Variants in SIK3 observed in about 807,000 individuals in gnomAD.
SIK3 encodes the protein serine/threonine-protein kinase SIK3.
In SIK3, 28 loss-of-function variants were observed where a neutral mutation model predicts 144.2. The observed-to-expected ratio is 0.19, with a 90% CI of 0.14 to 0.27. SIK3 has a LOEUF of 0.27. SIK3 is among the 10% of genes least tolerant of loss of function. SIK3 has a pLI of 1.00. For synonymous variants in SIK3, 686 were observed against 676.3 expected, an observed-to-expected ratio of 1.01 and a Z score of -0.22; for missense variants, 1,319 against 1,776.0, an observed-to-expected ratio of 0.74 and a Z score of 4.62.
At chr11:116,901,005 C>T (rs1262356615) in intron 4 of SIK3, among the ~76,000 whole-genome samples, 1 of 152,078 alleles carries the variant, frequency 6.6e-6, no homozygotes, top group Non-Finnish European at 1.5e-5. Context: ...GCTGGGATTA[C>T]AGGCATGCAT....
chr11:116,908,376 G>C (rs995187763), intron 4 of SIK3, among the ~76,000 whole-genome samples: 1 of 152,128 alleles, frequency 6.6e-6, no homozygotes, highest in Non-Finnish European at 1.5e-5. Flanking sequence ...CTACTCGAGA[G>C]GCTGAGGCAA....
At chr11:117,078,957 A>C (rs1187383991) in intron 1 of SIK3, among the ~76,000 whole-genome samples, 9 of 151,560 alleles carry the variant, frequency 5.9e-5, no homozygotes, top group Non-Finnish European at 1.0e-4. Flanking sequence ...AAAAGACACT[A>C]AAGAGGTCAT....
intron 3 of SIK3, among the ~76,000 whole-genome samples, chr11:116,949,759 A>C: frequency 6.6e-6 from 1 of 152,148 alleles, no homozygotes; most frequent in East Asian, 1.9e-4. Flanking sequence ...CCTTTACCAC[A>C]ACCTCCACTG....
At chr11:116,954,718 T>C (rs532003011) in intron 2 of SIK3, among the ~76,000 whole-genome samples, 45 of 152,350 alleles carry the variant, frequency 3.0e-4, no homozygotes, top group Non-Finnish European at 5.9e-4. Context: ...TTCATTGTAG[T>C]ATGTTGTCAG....
chr11:116,954,179 C>T (rs1949054906), intron 2 of SIK3, 72 bp from the exon 3 acceptor site: 3 of 1,142,224 alleles, frequency 2.6e-6, no homozygotes, highest in African/African-American at 1.5e-5. Context: ...AAACTAATGA[C>T]TCCTCTTTTC....
intron 1 of SIK3, among the ~76,000 whole-genome samples, chr11:116,959,186 T>G (rs544263355): frequency 6.6e-6 from 1 of 152,166 alleles, no homozygotes; most frequent in Admixed American, 6.5e-5. Context: ...TTTTAAAAAT[T>G]AGCCGAGCAT....
chr11:117,074,169 C>A (rs756808958), intron 1 of SIK3, among the ~76,000 whole-genome samples: 3 of 152,234 alleles, frequency 2.0e-5, no homozygotes, highest in African/African-American at 4.8e-5. Flanking sequence ...GGCAATCAAA[C>A]CATAGTGCTC....
chr11:116,873,467 G>A lies in SIK3; in HGVS notation c.1737+14C>T. On this transcript the variant is annotated intron_variant, in intron 13 of 24. Coordinates refer to ENST00000445177, the MANE Select transcript of SIK3 (RefSeq NM_001366686.3). ...CCTCTGAGACAGTGAATTGGGCTCT[G>A]TGCTGCTACTCACTGGTGTCATGGT... is the stretch of plus-strand genomic sequence containing the variant. 6.2e-7 allele frequency: 1 copy of A among 1,614,170 alleles called. No individual in the cohort carries two copies. The highest frequency in any genetic ancestry group is 8.5e-7 in the Non-Finnish European group (1 of 1,180,024).
intron 4 of SIK3, among the ~76,000 whole-genome samples, chr11:116,899,237 C>T (rs1248727799): frequency 6.6e-6 from 1 of 151,730 alleles, no homozygotes; most frequent in Non-Finnish European, 1.5e-5. Flanking sequence ...GAATCCTTTC[C>T]CCATTGCTTG....
At chr11:116,931,678 A>G (rs1013464107) in intron 3 of SIK3, among the ~76,000 whole-genome samples, 1 of 152,204 alleles carries the variant, frequency 6.6e-6, no homozygotes, top group African/African-American at 2.4e-5. Context: ...ACTTCTGCCA[A>G]TTCCAAACTA....
chr11:116,944,549 G>A (rs61301656), intron 3 of SIK3, among the ~76,000 whole-genome samples: 3,750 of 152,218 alleles, frequency 0.025, 85 homozygotes, highest in South Asian at 0.11. Flanking sequence ...GATGGGTACT[G>A]CTCTGTACAC....
At chr11:117,059,708 A>G (rs1178532003) in intron 1 of SIK3, among the ~76,000 whole-genome samples, 1 of 152,250 alleles carries the variant, frequency 6.6e-6, no homozygotes, top group East Asian at 1.9e-4. Flanking sequence ...AGATATGATC[A>G]GATACCTCAC....
At chr11:117,033,721 A>G (rs573334669) in intron 1 of SIK3, among the ~76,000 whole-genome samples, 25 of 151,380 alleles carry the variant, frequency 1.7e-4, no homozygotes, top group Non-Finnish European at 2.4e-4. Context: ...AAAAAAAAAA[A>G]AAAGAAAGAA....
intron 3 of SIK3, among the ~76,000 whole-genome samples, chr11:116,940,710 G>T (rs1948241638): frequency 6.6e-6 from 1 of 151,228 alleles, no homozygotes; most frequent in South Asian, 2.1e-4. Flanking sequence ...CAATATAAAT[G>T]CTGGTCACAG....
intron 1 of SIK3, among the ~76,000 whole-genome samples, chr11:117,037,995 C>A (rs769305302): frequency 6.6e-6 from 1 of 152,154 alleles, no homozygotes; most frequent in Non-Finnish European, 1.5e-5. Flanking sequence ...TTTTATAATG[C>A]CTCTTTTTTG....
intron 13 of SIK3, among the ~76,000 whole-genome samples, chr11:116,872,788 G>C (rs1944034333): frequency 6.6e-6 from 1 of 152,160 alleles, no homozygotes; most frequent in South Asian, 2.1e-4. Flanking sequence ...AGGGAAAAGG[G>C]TCCTCAAAGC....
rs1941865954 is a variant in SIK3, at chr11:116,845,403, G to A, written c.*240C>T. Reference sequence around the variant, plus strand: ...ACTCAAATATACTTTCACAAAAGATGGAGAACATGGATTTCCTTCCTGTTT... The same window carrying A: ...ACTCAAATATACTTTCACAAAAGATAGAGAACATGGATTTCCTTCCTGTTT... On this transcript the variant is annotated 3_prime_UTR_variant, in exon 25 of 25. Transcript: ENST00000445177. 2 of 152,218 alleles carry A rather than the reference G, an allele frequency of 1.3e-5. No homozygotes were observed. Among genetic ancestry groups the A allele is most frequent in the Non-Finnish European group, 1.5e-5 (1 of 68,034 alleles). 9.4% of individuals were successfully genotyped at this position (152,218 alleles called of 1,614,324 possible).
chr11:117,062,010 G>A (rs1169110932), intron 1 of SIK3, among the ~76,000 whole-genome samples: 1 of 151,314 alleles, frequency 6.6e-6, no homozygotes, highest in Non-Finnish European at 1.5e-5. Flanking sequence ...GGGCAATTGG[G>A]TATAGATTTT....
chr11:116,920,158 CT>C (rs752642003), intron 4 of SIK3, among the ~76,000 whole-genome samples: 10,513 of 141,742 alleles, frequency 0.074, 623 homozygotes, highest in African/African-American at 0.17. Context: ...GCTGCTCACC[CT>C]TTTTTTTTTT....
Sources: gnomAD v4.1 joint callset for allele counts (sites outside exome capture counted in the v4.1 genomes callset) on GRCh38, gnomAD v4.1.1 for gene constraint, MANE v1.5 for transcripts, NCBI Gene and HGNC (gene_info 2026-07-23, HGNC 2026-07-21) for gene names.